Variants in KLHL29 observed in about 807,000 individuals in gnomAD.
The protein encoded by KLHL29 is kelch like family member 29.
KLHL29 carries 21 observed loss-of-function variants against 80.4 expected under a neutral mutation model. That is an observed-to-expected ratio of 0.26 (90% confidence interval 0.19 to 0.38). KLHL29 has a LOEUF of 0.38. Ranked by LOEUF, KLHL29 falls within the 10% of genes least tolerant of loss-of-function variation. The pLI, the probability that KLHL29 is intolerant of heterozygous loss-of-function variation, is 1.00. For synonymous variants in KLHL29, 511 were observed against 526.8 expected (o/e 0.97, Z 0.41); for missense variants, 867 against 1,223.9 (o/e 0.71, Z 4.35).
At chr2:23,545,423 T>C (rs559130580) in intron 2 of KLHL29, among the ~76,000 whole-genome samples, 7 of 152,326 alleles carry the variant, frequency 4.6e-5, no homozygotes, top group Non-Finnish European at 7.3e-5. Context: ...AGGCATGCTG[T>C]CGGTGCTCCG....
chr2:23,576,717 A>G (rs1667852534), intron 3 of KLHL29, among the ~76,000 whole-genome samples: 1 of 152,192 alleles, frequency 6.6e-6, no homozygotes. Flanking sequence ...CCGAGCAGAA[A>G]TTAGTAACCG....
intron 3 of KLHL29, among the ~76,000 whole-genome samples, chr2:23,592,609 G>T (rs1668296205): frequency 6.6e-6 from 1 of 152,176 alleles, no homozygotes; most frequent in African/African-American, 2.4e-5. Context: ...CCTGCTTTGG[G>T]GTCGCATGGA....
intron 1 of KLHL29, among the ~76,000 whole-genome samples, chr2:23,454,559 G>A (rs929327839): frequency 3.9e-5 from 6 of 152,116 alleles, no homozygotes; most frequent in Non-Finnish European, 7.4e-5. Context: ...ACAAAATCCC[G>A]GTTTTATTTT....
chr2:23,526,997 C>G (rs1666345654), intron 2 of KLHL29, among the ~76,000 whole-genome samples: 2 of 152,144 alleles, frequency 1.3e-5, no homozygotes, highest in African/African-American at 4.8e-5. Flanking sequence ...GCAGTGACCA[C>G]ACGGGGCTGG....
chr2:23,640,894 G>T (rs1669750690), intron 4 of KLHL29, among the ~76,000 whole-genome samples: 2 of 152,144 alleles, frequency 1.3e-5, no homozygotes, highest in African/African-American at 4.8e-5. Flanking sequence ...TGGACAGTGG[G>T]CTGGTAGTGA....
chr2:23,573,927 G>T (rs988883823), intron 3 of KLHL29, among the ~76,000 whole-genome samples: 2 of 152,148 alleles, frequency 1.3e-5, no homozygotes, highest in African/African-American at 4.8e-5. Flanking sequence ...CAGTTCCTTC[G>T]CAGAAGGGCA....
intron 5 of KLHL29, among the ~76,000 whole-genome samples, chr2:23,683,778 CCTTG>C (rs1248615196): frequency 2.6e-5 from 4 of 152,142 alleles, no homozygotes; most frequent in Non-Finnish European, 5.9e-5. Context: ...GGTCCCTGTC[CCTTG>C]CTTGCTTGCT....
chr2:23,573,564 G>A lies in KLHL29; in HGVS notation c.285+11083G>A, dbSNP rs191023673. On this transcript the variant is annotated intron_variant, in intron 3 of 13. Transcript: ENST00000486442. ...CGAGGCATATCCTTCCCTAGTGCTGGCGACACGACCGGAAGGTGCAGCCAC... is the reference window on the plus strand; with the variant it reads ...CGAGGCATATCCTTCCCTAGTGCTGACGACACGACCGGAAGGTGCAGCCAC... Among the ~76,000 whole-genome samples, 339 of 152,290 alleles carry A rather than the reference G, an allele frequency of 2.2e-3. 1 individual carries two copies. Among genetic ancestry groups the A allele is most frequent in the African/African-American group, 7.6e-3 (314 of 41,560 alleles).
chr2:23,655,635 C>T (rs530867219), intron 5 of KLHL29, among the ~76,000 whole-genome samples: 2 of 152,322 alleles, frequency 1.3e-5, no homozygotes, highest in African/African-American at 4.8e-5. Flanking sequence ...CCTCTGGAAG[C>T]GCATCCAGCC....
chr2:23,480,537 T>C (rs544049985), intron 2 of KLHL29, among the ~76,000 whole-genome samples: 1 of 152,244 alleles, frequency 6.6e-6, no homozygotes, highest in Admixed American at 6.5e-5. Context: ...TTCCCCCAGA[T>C]ATTCTAATTG....
At chr2:23,430,343 T>C (rs1447361796) in intron 1 of KLHL29, among the ~76,000 whole-genome samples, 1 of 152,228 alleles carries the variant, frequency 6.6e-6, no homozygotes, top group Non-Finnish European at 1.5e-5. Flanking sequence ...TCCTCTATCC[T>C]GATTTCCCCA....
intron 3 of KLHL29, among the ~76,000 whole-genome samples, chr2:23,627,412 C>A (rs575381146): frequency 6.6e-6 from 1 of 152,340 alleles, no homozygotes; most frequent in African/African-American, 2.4e-5. Context: ...CACGCTGAGG[C>A]CCTCGCTGAG....
intron 3 of KLHL29, among the ~76,000 whole-genome samples, chr2:23,628,997 C>T (rs773022325): frequency 6.6e-6 from 1 of 152,206 alleles, no homozygotes; most frequent in Middle Eastern, 3.2e-3. Flanking sequence ...CCCACTCTGG[C>T]GACACGATTG....
At chr2:23,654,907 C>T (rs1428385835) in intron 5 of KLHL29, among the ~76,000 whole-genome samples, 1 of 152,234 alleles carries the variant, frequency 6.6e-6, no homozygotes, top group East Asian at 1.9e-4. Context: ...CTTTCCGCCA[C>T]ACCACACCTT....
At chr2:23,427,113 A>G (rs1002349392) in intron 1 of KLHL29, among the ~76,000 whole-genome samples, 2 of 152,074 alleles carry the variant, frequency 1.3e-5, no homozygotes, top group Admixed American at 1.3e-4. Flanking sequence ...CTTTTTCCCA[A>G]AACAGTACCT....
intron 3 of KLHL29, among the ~76,000 whole-genome samples, chr2:23,599,529 AAT>A (rs1481511170): frequency 1.3e-5 from 2 of 150,868 alleles, no homozygotes; most frequent in African/African-American, 4.9e-5. Flanking sequence ...ATTCTATATA[AAT>A]ATTTACTATA....
intron 5 of KLHL29, among the ~76,000 whole-genome samples, chr2:23,675,111 T>C (rs2149179360): frequency 6.6e-6 from 1 of 152,204 alleles, no homozygotes; most frequent in Non-Finnish European, 1.5e-5. Flanking sequence ...TCTCCCAAGG[T>C]CTCTCGGCCC....
chr2:23,617,660 C>T (rs1336569532), intron 3 of KLHL29: 3 of 152,228 alleles, frequency 2.0e-5, no homozygotes, highest in Non-Finnish European at 2.9e-5. Flanking sequence ...CTCCTGTGCA[C>T]CTCCAGCGGC....
At chr2:23,513,382 G>C (rs1212501431) in intron 2 of KLHL29, among the ~76,000 whole-genome samples, 1 of 152,156 alleles carries the variant, frequency 6.6e-6, no homozygotes, top group East Asian at 1.9e-4. Flanking sequence ...GGCTTCCTCT[G>C]AGCCAGTTTG....
Sources: gnomAD v4.1 joint callset for allele counts (sites outside exome capture counted in the v4.1 genomes callset) on GRCh38, gnomAD v4.1.1 for gene constraint, MANE v1.5 for transcripts, NCBI Gene and HGNC (gene_info 2026-07-23, HGNC 2026-07-21) for gene names.